Variants in GRIK1 observed in about 807,000 individuals in gnomAD.
The protein encoded by GRIK1 is glutamate ionotropic receptor kainate type subunit 1.
GRIK1 carries 69 observed loss-of-function variants against 105.7 expected under a neutral mutation model. The ratio of observed to expected loss-of-function variants is 0.65; its 90% CI spans 0.54 to 0.80. The LOEUF (loss-of-function observed/expected upper bound fraction) is 0.80, where lower values mean the gene tolerates loss of function less well. Ranked by LOEUF, GRIK1 falls within the 30% of genes least tolerant of loss-of-function variation. The pLI is 0.00. For synonymous variants in GRIK1, 438 were observed against 431.3 expected (o/e 1.02, Z -0.19); for missense variants, 1,109 against 1,167.3 (o/e 0.95, Z 0.73).
At chr21:29,560,318 T>TC (rs1491235782) in intron 15 of GRIK1, among the ~76,000 whole-genome samples, 6 of 119,666 alleles carry the variant, frequency 5.0e-5, no homozygotes, top group African/African-American at 7.2e-5. Context: ...TTTCTTTCTT[T>TC]CTTTCTTTCT....
intron 16 of GRIK1, among the ~76,000 whole-genome samples, chr21:29,552,543 A>C (rs2090152789): frequency 6.6e-6 from 1 of 152,100 alleles, no homozygotes; most frequent in African/African-American, 2.4e-5. Context: ...ATGAATTAAT[A>C]ATAATGATGG....
In GRIK1 at chr21:29,738,902, T is replaced by G. The variant is rs1243199912; in HGVS notation, c.119-44839A>C. ...AATAATGCAGCCTTTTGTAATGTCT[T>G]CAAGTCAGTACACATTTATTGCGAA... On this transcript the variant is annotated intron_variant, in intron 1 of 17. Transcript: ENST00000327783. Among the ~76,000 whole-genome samples the G allele has an allele frequency of 2.0e-5, 3 of 152,370 alleles. No homozygotes were observed. In the East Asian group the frequency reaches 5.8e-4, roughly 29 times the overall value.
chr21:29,837,907 T>A (rs181257767), intron 1 of GRIK1, among the ~76,000 whole-genome samples: 20 of 152,252 alleles, frequency 1.3e-4, no homozygotes, highest in Admixed American at 3.9e-4. Context: ...AACTTTATAT[T>A]TCTGGGAAAA....
At chr21:29,613,186 G>A (rs1448231187) in intron 7 of GRIK1, among the ~76,000 whole-genome samples, 1 of 152,106 alleles carries the variant, frequency 6.6e-6, no homozygotes, top group East Asian at 1.9e-4. Flanking sequence ...TTATGATCTT[G>A]ACCTACTTAA....
intron 1 of GRIK1, among the ~76,000 whole-genome samples, chr21:29,824,475 G>A (rs925505287): frequency 2.0e-5 from 3 of 151,956 alleles, no homozygotes; most frequent in South Asian, 2.1e-4. Flanking sequence ...TGATAAGGAC[G>A]AAAAGAAGGA....
rs149156215 is a variant in GRIK1 at position 29,805,033 on chromosome 21, G to T, written c.119-110970C>A. On this transcript the variant is annotated intron_variant, in intron 1 of 17. Coordinates refer to ENST00000327783, the MANE Select transcript of GRIK1 (RefSeq NM_001330994.2). ...TTGTTTGCCTAACCAGCCTCTATTT[G>T]TTTTTCCTTTTCCTTTCTCATGAGT... Among the ~76,000 whole-genome samples, 73 of 152,138 alleles carry T rather than the reference G, an allele frequency of 4.8e-4. No homozygotes were observed. The East Asian group carries it at 0.014, about 29-fold the overall frequency.
At chr21:29,918,428 C>G (rs2071077730) in intron 1 of GRIK1, among the ~76,000 whole-genome samples, 2 of 151,974 alleles carry the variant, frequency 1.3e-5, no homozygotes, top group Non-Finnish European at 2.9e-5. Context: ...TGCAATTTTC[C>G]CAGTTCTTAC....
chr21:29,892,370 A>C (rs1411349154), intron 1 of GRIK1, among the ~76,000 whole-genome samples: 1 of 152,256 alleles, frequency 6.6e-6, no homozygotes, highest in African/African-American at 2.4e-5. Flanking sequence ...GAGCAGTGTC[A>C]AAAGCAGGCA....
rs138247893 is a variant in GRIK1, at chr21:29,609,613, TGAAAGGTGAAG to T, written c.1099-10687_1099-10677del. ...CAATCTGTTGAGGGTCTAAGAAGAA[TGAAAGGTGAAG>T]GAAAGAGGAAGTTGCTTCTTTTTTT... On this transcript the variant is annotated intron_variant, in intron 7 of 17. Transcript: ENST00000327783. Among the ~76,000 whole-genome samples, 38 of 152,302 alleles carry T rather than the reference TGAAAGGTGAAG, an allele frequency of 2.5e-4. 1 individual carries two copies. In the East Asian group the frequency reaches 7.1e-3, roughly 29 times the overall value.
intron 1 of GRIK1, among the ~76,000 whole-genome samples, chr21:29,932,442 G>A (rs1228026115): frequency 6.6e-6 from 1 of 152,062 alleles, no homozygotes; most frequent in Admixed American, 6.5e-5. Context: ...AGTAACTTGG[G>A]AAAGTTATTC....
intron 1 of GRIK1, among the ~76,000 whole-genome samples, chr21:29,859,503 G>T (rs1190483157): frequency 6.6e-6 from 1 of 152,266 alleles, no homozygotes; most frequent in East Asian, 1.9e-4. Flanking sequence ...TAGCCTCACA[G>T]AATGATAGTC....
intron 1 of GRIK1, among the ~76,000 whole-genome samples, chr21:29,753,457 G>A (rs1294132560): frequency 6.6e-6 from 1 of 152,182 alleles, no homozygotes; most frequent in African/African-American, 2.4e-5. Context: ...AGAAGCCTGT[G>A]ACAGAATCAA....
chr21:29,577,206 G>C (rs780647493), intron 13 of GRIK1, 25 bp from the exon 14 acceptor site: 1 of 1,298,920 alleles, frequency 7.7e-7, no homozygotes, highest in Non-Finnish European at 1.1e-6. Flanking sequence ...TCAGAGTAAG[G>C]GTGTTAAACA....
intron 1 of GRIK1, among the ~76,000 whole-genome samples, chr21:29,887,655 C>G (rs2069684114): frequency 6.6e-6 from 1 of 152,126 alleles, no homozygotes; most frequent in Non-Finnish European, 1.5e-5. Flanking sequence ...TTGGGTCCAG[C>G]TGTTCAGTAA....
chr21:29,646,390 A>G (rs2062619808), intron 6 of GRIK1, among the ~76,000 whole-genome samples: 1 of 152,214 alleles, frequency 6.6e-6, no homozygotes. Context: ...TTGGAAGTTC[A>G]TGCTTTTTCT....
At chr21:29,837,452 A>G (rs116835888) in intron 1 of GRIK1, among the ~76,000 whole-genome samples, 233 of 152,308 alleles carry the variant, frequency 1.5e-3, no homozygotes, top group African/African-American at 5.3e-3. Flanking sequence ...TATAATAAAT[A>G]TGTGATTATA....
intron 1 of GRIK1, among the ~76,000 whole-genome samples, chr21:29,785,053 T>C (rs573627115): frequency 6.6e-6 from 1 of 152,304 alleles, no homozygotes; most frequent in Non-Finnish European, 1.5e-5. Flanking sequence ...GGGTGATTAG[T>C]CAATTCATAA....
intron 1 of GRIK1, among the ~76,000 whole-genome samples, chr21:29,725,666 C>CT (rs1231643374): frequency 6.6e-6 from 1 of 152,180 alleles, no homozygotes; most frequent in Non-Finnish European, 1.5e-5. Flanking sequence ...TAAAACCATC[C>CT]TGATACAAAG....
At chr21:29,905,738 T>C (rs975067528) in intron 1 of GRIK1, among the ~76,000 whole-genome samples, 2 of 142,032 alleles carry the variant, frequency 1.4e-5, no homozygotes, top group African/African-American at 5.4e-5. Flanking sequence ...GCCATTCTCC[T>C]GCCTCAGCCT....
Sources: gnomAD v4.1 joint callset for allele counts (sites outside exome capture counted in the v4.1 genomes callset) on GRCh38, gnomAD v4.1.1 for gene constraint, MANE v1.5 for transcripts, NCBI Gene and HGNC (gene_info 2026-07-23, HGNC 2026-07-21) for gene names.